C1GALT1: variants seen among roughly 807,000 people sequenced by gnomAD.
C1GALT1 encodes glycoprotein-N-acetylgalactosamine 3-beta-galactosyltransferase 1.
C1GALT1 carries 11 observed loss-of-function variants against 31.0 expected under a neutral mutation model. That is an observed-to-expected ratio of 0.36 (90% confidence interval 0.22 to 0.59). The LOEUF (loss-of-function observed/expected upper bound fraction) is 0.59. Among genes scored for constraint, C1GALT1 ranks in the 20% least tolerant of loss-of-function variants. The pLI, the probability that C1GALT1 is intolerant of heterozygous loss-of-function variation, is 0.79. For missense variants in C1GALT1, 424 were observed against 425.2 expected (o/e 1.00, Z 0.03); for synonymous variants, 175 against 143.6 (o/e 1.22, Z -1.56).
Position 7,238,433 on chromosome 7 carries a change from A to G in C1GALT1, c.399A>G (p.Gly133=), listed in dbSNP as rs749265368. 1 of 1,613,938 alleles carries G rather than the reference A, an allele frequency of 6.2e-7. No homozygotes were observed. The highest frequency in any genetic ancestry group is 1.1e-5 in the South Asian group (1 of 91,064). Residue 133 remains glycine, a synonymous_variant, in exon 3 of 4, where the codon GGA becomes GGG. Transcript: ENST00000436587. The surrounding 1 kb of genome is among the most constrained non-coding windows in gnomAD (Gnocchi z 5.2). ...SEENKDFPAV[G]LKTKEGRDQL... is the part of the protein sequence containing the mutation. ...AAAATAAAGACTTCCCTGCTGTGGG[A>G]CTGAAAACCAAAGAAGGCAGAGATC...
chr7:7,232,787 G>C (rs1023094723), intron 1 of C1GALT1, among the ~76,000 whole-genome samples: 9 of 152,216 alleles, frequency 5.9e-5, no homozygotes, highest in Non-Finnish European at 1.5e-5. Context: ...ACCACGCCCA[G>C]CCGGGCATGG....
Position 7,246,894 on chromosome 7 carries a change from T to G in C1GALT1, c.*3167T>G, listed in dbSNP as rs1465992492. ...CACTATATTAAATATAAAGATAACT[T>G]AAAGGATCATTGGATCATTCATTTT... On this transcript the variant is annotated 3_prime_UTR_variant, in exon 4 of 4. Transcript: ENST00000436587. The G allele has an allele frequency of 3.3e-5, 5 of 152,152 alleles. No homozygotes were observed. In the East Asian group the frequency reaches 7.7e-4, roughly 23 times the overall value. 9.4% of individuals were successfully genotyped at this position (152,152 alleles called of 1,614,324 possible).
chr7:7,199,236 G>C (rs569563967), intron 1 of C1GALT1, among the ~76,000 whole-genome samples: 8 of 152,222 alleles, frequency 5.3e-5, no homozygotes, highest in African/African-American at 1.7e-4. Flanking sequence ...GGTATGTTGT[G>C]TCTTTGTTCT....
intron 2 of C1GALT1, among the ~76,000 whole-genome samples, chr7:7,169,562 T>TA (rs1475042051): frequency 6.6e-6 from 1 of 152,196 alleles, no homozygotes; most frequent in Non-Finnish European, 1.5e-5. Flanking sequence ...TTCTTAATCT[T>TA]ACAGCTATCC....
intron 2 of C1GALT1, among the ~76,000 whole-genome samples, chr7:7,173,618 C>A (rs1420461736): frequency 6.6e-6 from 1 of 152,150 alleles, no homozygotes; most frequent in Admixed American, 6.5e-5. Context: ...ATAGTACAGA[C>A]TGGACTGGGC....
chr7:7,192,742 AG>A (rs1781129378), intron 1 of C1GALT1, among the ~76,000 whole-genome samples: 1 of 152,110 alleles, frequency 6.6e-6, no homozygotes, highest in South Asian at 2.1e-4. Context: ...CATTTTCCAT[AG>A]TGGTTATACT....
At chr7:7,188,660 A>G (rs1169760252) in intron 1 of C1GALT1, among the ~76,000 whole-genome samples, 1 of 152,210 alleles carries the variant, frequency 6.6e-6, no homozygotes, top group Non-Finnish European at 1.5e-5. Context: ...CTTGTTAAAT[A>G]TCATATGTAT....
At chr7:7,182,864 C>T (rs1165681850) in intron 1 of C1GALT1, 44 bp downstream of exon 1, 1 of 984,952 alleles carries the variant, frequency 1.0e-6, no homozygotes, top group Non-Finnish European at 1.2e-6. Flanking sequence ...TCCAAGGTCT[C>T]GTCTCCCCTC....
At chr7:7,168,911 G>A (rs1780424778) in intron 2 of C1GALT1, among the ~76,000 whole-genome samples, 1 of 152,098 alleles carries the variant, frequency 6.6e-6, no homozygotes, top group Non-Finnish European at 1.5e-5. Flanking sequence ...CATTTTAAGG[G>A]TACAGTTCAG....
chr7:7,224,266 TG>T (rs566818507), intron 1 of C1GALT1, among the ~76,000 whole-genome samples: 5,167 of 151,648 alleles, frequency 0.034, 265 homozygotes, highest in African/African-American at 0.12. Context: ...TAGTTTTTTT[TG>T]GTTTTTTTTT....
At chr7:7,180,427 C>T (rs1244858153), upstream of C1GALT1, among the ~76,000 whole-genome samples, 1 of 152,144 alleles carries the variant, frequency 6.6e-6, no homozygotes, top group Non-Finnish European at 1.5e-5. Flanking sequence ...ACATAAATGT[C>T]AATCAATAGA....
At chr7:7,184,840 T>C (rs192825460) in intron 1 of C1GALT1, among the ~76,000 whole-genome samples, 40 of 152,364 alleles carry the variant, frequency 2.6e-4, no homozygotes, top group African/African-American at 9.6e-4. Context: ...GTACAAACTA[T>C]AGCAAGGCTG....
At chr7:7,242,588 T>A (rs78009017) in intron 3 of C1GALT1, among the ~76,000 whole-genome samples, 2 of 152,192 alleles carry the variant, frequency 1.3e-5, no homozygotes, top group East Asian at 3.9e-4. Context: ...AGCCTGAAGT[T>A]TTGTTGGAGT....
intron 1 of C1GALT1, among the ~76,000 whole-genome samples, chr7:7,195,760 A>G (rs1414818854): frequency 6.6e-6 from 1 of 152,218 alleles, no homozygotes; most frequent in Non-Finnish European, 1.5e-5. Flanking sequence ...TAGTGCCGTC[A>G]GTGGAGTATT....
At chr7:7,239,417 G>C (rs1488674013) in intron 3 of C1GALT1, among the ~76,000 whole-genome samples, 1 of 151,950 alleles carries the variant, frequency 6.6e-6, no homozygotes, top group African/African-American at 2.4e-5. Context: ...GTGAAGATCT[G>C]GGTAAAGAGC....
At chr7:7,213,034 A>G (rs1782077949) in intron 1 of C1GALT1, among the ~76,000 whole-genome samples, 1 of 152,220 alleles carries the variant, frequency 6.6e-6, no homozygotes, top group Non-Finnish European at 1.5e-5. Flanking sequence ...AAGGATCAAC[A>G]ATATTCCAAG....
intron 3 of C1GALT1, among the ~76,000 whole-genome samples, chr7:7,241,959 A>G (rs1244005694): frequency 6.6e-6 from 1 of 152,028 alleles, no homozygotes; most frequent in African/African-American, 2.4e-5. Flanking sequence ...CAGAATATAA[A>G]AATTGCTTCC....
intron 2 of C1GALT1, among the ~76,000 whole-genome samples, chr7:7,175,105 T>C (rs1417621311): frequency 1.3e-5 from 2 of 152,206 alleles, no homozygotes; most frequent in Non-Finnish European, 1.5e-5. Flanking sequence ...TTAGATTTTC[T>C]TCACTTTCCT....
chr7:7,238,567 A>G lies in C1GALT1; in HGVS notation c.533A>G (p.Asn178Ser). 2 of 1,614,132 alleles carry G rather than the reference A, an allele frequency of 1.2e-6. No individual in the cohort carries two copies. Among genetic ancestry groups the G allele is most frequent in the Non-Finnish European group, 1.7e-6 (2 of 1,179,988 alleles). The change falls in exon 3 of 4, where the codon AAT becomes AGT. Residue 178 changes from asparagine to serine, a missense_variant. Coordinates refer to ENST00000436587, the MANE Select transcript of C1GALT1 (RefSeq NM_020156.5). This position sits in a 1 kb window ranked among gnomAD's most constrained non-coding sequence, Gnocchi z 5.2. The part of the protein sequence containing the change: ...ADDDTYVILD[N>S]LRWLLSKYDP... ...GATGACACGTATGTCATACTAGACA[A>G]TTTGAGGTGGCTTCTTTCAAAATAC...
Sources: gnomAD v4.1 joint callset for allele counts (sites outside exome capture counted in the v4.1 genomes callset) on GRCh38, gnomAD v4.1.1 for gene constraint, Gnocchi (gnomAD v3.1) non-coding constraint, MANE v1.5 for transcripts, NCBI Gene and HGNC (gene_info 2026-07-23, HGNC 2026-07-21) for gene names.